SMARCA4: variants seen among roughly 807,000 people sequenced by gnomAD.
SMARCA4 encodes the protein SWI/SNF related BAF chromatin remodeling complex subunit ATPase 4.
In SMARCA4, 31 loss-of-function variants were observed where a neutral mutation model predicts 193.9. That is an observed-to-expected ratio of 0.16 (90% CI 0.12 to 0.22). The LOEUF (loss-of-function observed/expected upper bound fraction) is 0.22. SMARCA4 is among the 10% of genes least tolerant of loss of function. The probability of loss-of-function intolerance (pLI) is 1.00; values close to 1 mark genes in which losing one functional copy is unlikely to be tolerated. For synonymous variants in SMARCA4, 942 were observed against 933.1 expected, an observed-to-expected ratio of 1.01 and a Z score of -0.17; for missense variants, 1,148 against 2,296.0, an observed-to-expected ratio of 0.50 and a Z score of 10.22.
At chr19:10,994,329 T>TTTG (rs1189589511) in intron 8 of SMARCA4, among the ~76,000 whole-genome samples, 1 of 146,520 alleles carries the variant, frequency 6.8e-6, no homozygotes, top group African/African-American at 2.5e-5. Context: ...TTTTTTTTTT[T>TTTG]TTTTTTTTTT....
intron 1 of SMARCA4, among the ~76,000 whole-genome samples, chr19:10,972,836 C>T (rs1257084018): frequency 6.6e-6 from 1 of 152,204 alleles, no homozygotes; most frequent in Admixed American, 6.5e-5. Context: ...AGGGGCCGGG[C>T]ACAGTGGCTC....
In SMARCA4 at chr19:10,984,221, C is replaced by T. The variant is rs1060502057; in HGVS notation, c.70C>T (p.Pro24Ser). ...TCCTTCCCCGGGCCCTGGCCCTTCCCCTGGAGCCATGCTGGGCCCTAGCCC... is the reference window on the plus strand; with the variant it reads ...TCCTTCCCCGGGCCCTGGCCCTTCCTCTGGAGCCATGCTGGGCCCTAGCCC... ...PGPSPGPGPS[P>S]GAMLGPSPGP... Residue 24 changes from proline (P) to serine (S), a missense_variant, in exon 2 of 35, where the codon CCT (proline) becomes TCT (serine). Physicochemically the swap from Pro to Ser is moderately conservative, Grantham distance 74. Coordinates refer to ENST00000344626, the MANE Select transcript of SMARCA4 (RefSeq NM_003072.5). This position sits in a 1 kb window ranked among gnomAD's most constrained non-coding sequence, Gnocchi z 4.3. 1.2e-6 allele frequency: 2 copies of T among 1,612,800 alleles called. No homozygotes were observed. The highest frequency in any genetic ancestry group is 1.3e-5 in the African/African-American group (1 of 75,054).
rs754703561 is a variant in SMARCA4, at chr19:11,023,680, G to T, written c.2973+49G>T. On this transcript the variant is annotated intron_variant, in intron 20 of 34. Transcript: ENST00000344626. The stretch of plus-strand genomic sequence containing the variant: ...ACCAGTGAAGCAGCCTCACGTGGGG[G>T]CTTTCTCCAGGGCTGGGCGTGCTCA... 3 of 1,165,274 alleles carry T rather than the reference G, an allele frequency of 2.6e-6. No homozygotes were observed. The South Asian group carries it at 3.9e-5, about 15-fold the overall frequency. The allele number at this position is 1,165,274 out of a possible 1,614,324, so 72.2% of individuals were successfully genotyped here. A position where few individuals can be genotyped will look rare whatever the true frequency, so the allele number is the denominator to read the frequency against.
At chr19:11,060,009 A>ATT in intron 33 of SMARCA4, 36 bp from the exon 34 acceptor site, 1 of 1,600,714 alleles carries the variant, frequency 6.2e-7, no homozygotes, top group Non-Finnish European at 8.5e-7. Context: ...GCATTCCCAG[A>ATT]GCTCAAGGCT....
rs552893052 is a variant in SMARCA4 at position 11,042,860 on chromosome 19, C to T, written c.4424+1300C>T. ...AAACAATTACCTGGGCGTGGTGGCA[C>T]GCTTTTTGGGAGGCTGAGACAGGAG... On this transcript the variant is annotated intron_variant, in intron 30 of 34. Transcript: ENST00000344626. Among the ~76,000 whole-genome samples, 62 of 152,048 alleles carry T rather than the reference C, an allele frequency of 4.1e-4. 1 individual carries two copies. The highest frequency in any genetic ancestry group is 1.4e-3 in the African/African-American group (56 of 41,460).
chr19:10,986,534 C>T lies in SMARCA4; in HGVS notation c.701C>T (p.Pro234Leu), dbSNP rs572494136. The T allele has an allele frequency of 5.8e-6, 9 of 1,541,484 alleles. No individual in the cohort carries two copies. Among genetic ancestry groups the T allele is most frequent in the South Asian group, 3.6e-5 (3 of 83,966 alleles). ...TCCGCAACAGGACCCGGCCCTGGCCCTGGCCCTGGCCCCGGCCCGGGTCCC... is the reference window on the plus strand; with the variant it reads ...TCCGCAACAGGACCCGGCCCTGGCCTTGGCCCTGGCCCCGGCCCGGGTCCC... ...SVSATGPGPG[P>L]GPGPGPGPGP... is the part of the protein sequence containing the mutation. The change falls in exon 4 of 35, where the codon CCT becomes CTT. Residue 234 changes from proline (P) to leucine (L), a missense_variant. Around this residue, in one of 17 missense-constraint regions of SMARCA4, gnomAD observed 257 missense variants for 276.5 expected, o/e 0.93. Coordinates refer to ENST00000344626, the MANE Select transcript of SMARCA4 (RefSeq NM_003072.5). This position sits in a 1 kb window ranked among gnomAD's most constrained non-coding sequence, Gnocchi z 6.7.
At chr19:11,056,096 C>G (rs1183390286) in intron 30 of SMARCA4, 1 of 152,210 alleles carries the variant, frequency 6.6e-6, no homozygotes, top group East Asian at 1.9e-4. Flanking sequence ...TTATAAAATT[C>G]CGTAGAGTGG....
At position 11,024,405 on chromosome 19, in the gene SMARCA4, G is replaced by A. The variant is rs878854212; in HGVS notation, c.3048G>A (p.Val1016=). The A allele has an allele frequency of 4.3e-6, 7 of 1,612,846 alleles. No individual in the cohort carries two copies. Among genetic ancestry groups the A allele is most frequent in the Non-Finnish European group, 5.9e-6 (7 of 1,179,714 alleles). ...ACCGCCACATGCAGGCCAAGGGCGT[G>A]CTGCTGACTGATGGCTCCGAGAAGG... ...VLYRHMQAKG[V]LLTDGSEKDK... is the part of the protein sequence containing the mutation. The change falls in exon 21 of 35, where the codon GTG becomes GTA. Residue 1016 remains valine, a synonymous_variant. Transcript: ENST00000344626.
At chr19:11,048,868 T>C (rs957956918) in intron 30 of SMARCA4, among the ~76,000 whole-genome samples, 4 of 152,236 alleles carry the variant, frequency 2.6e-5, no homozygotes, top group Non-Finnish European at 4.4e-5. Flanking sequence ...GGGAATCTTA[T>C]ACTCTGTTCT....
intron 30 of SMARCA4, among the ~76,000 whole-genome samples, chr19:11,047,169 C>A (rs568083348): frequency 5.9e-4 from 89 of 152,116 alleles, no homozygotes; most frequent in African/African-American, 2.0e-3. Flanking sequence ...AGAGCCCTAG[C>A]GGTTGTTACG....
chr19:10,984,588 G>A lies in SMARCA4; in HGVS notation c.222+215G>A, dbSNP rs541343054. Among the ~76,000 whole-genome samples the A allele has an allele frequency of 5.3e-5, 8 of 152,362 alleles. No individual in the cohort carries two copies. In the South Asian group the frequency reaches 1.0e-3, roughly 20 times the overall value. On this transcript the variant is annotated intron_variant, in intron 2 of 34. Coordinates refer to ENST00000344626, the MANE Select transcript of SMARCA4 (RefSeq NM_003072.5). This position sits in a 1 kb window ranked among gnomAD's most constrained non-coding sequence, Gnocchi z 4.3. ...TGTGCTGGCGCATGATCTGGGCCCC[G>A]CGGGCACCTGCCCCACCGTTTCCCG...
intron 1 of SMARCA4, among the ~76,000 whole-genome samples, chr19:10,964,135 C>T (rs1307958924): frequency 6.6e-6 from 1 of 152,018 alleles, no homozygotes; most frequent in Admixed American, 6.6e-5. Context: ...CAGTGAGGAG[C>T]ATTCCAACAT....
chr19:11,048,566 C>G (rs1042388121), intron 30 of SMARCA4, among the ~76,000 whole-genome samples: 2 of 152,204 alleles, frequency 1.3e-5, no homozygotes, highest in African/African-American at 4.8e-5. Context: ...TGTCAGGAGC[C>G]TGCCTCGCCG....
At chr19:11,047,416 T>C (rs1027869903) in intron 30 of SMARCA4, among the ~76,000 whole-genome samples, 1 of 151,676 alleles carries the variant, frequency 6.6e-6, no homozygotes, top group Non-Finnish European at 1.5e-5. Context: ...AGAGGTTTTT[T>C]TTTTTTTTTG....
In SMARCA4 at chr19:11,033,668, G is replaced by A; in HGVS notation, c.3775-99G>A. ...TGTGGGCTGAACGGAAAGAGGATGA[G>A]TACTTGCTTTTTCTTTGAAGTGGTT... On this transcript the variant is annotated intron_variant, in intron 26 of 34. Transcript: ENST00000344626. The surrounding 1 kb of genome is among the most constrained non-coding windows in gnomAD (Gnocchi z 9.8). The A allele has an allele frequency of 2.6e-6, 2 of 776,394 alleles. No homozygotes were observed. The highest frequency in any genetic ancestry group is 2.4e-6 in the Non-Finnish European group (1 of 424,324). 48.1% of individuals were successfully genotyped at this position (776,394 alleles called of 1,614,324 possible). A position where few individuals can be genotyped will look rare whatever the true frequency, so the allele number is the denominator to read the frequency against.
At chr19:11,015,440 G>A (rs1053577450) in intron 16 of SMARCA4, among the ~76,000 whole-genome samples, 1 of 152,130 alleles carries the variant, frequency 6.6e-6, no homozygotes, top group African/African-American at 2.4e-5. Context: ...GGGTTTGTCC[G>A]ATGTGATCGC....
chr19:11,010,249 C>G, intron 14 of SMARCA4, 132 bp from the exon 15 acceptor site: 7 of 1,039,964 alleles, frequency 6.7e-6, no homozygotes, highest in South Asian at 1.3e-5. Flanking sequence ...GGCTGCACCT[C>G]TATGTGTCTT....
chr19:10,985,901 CTGTGGACAGG>C lies in SMARCA4; in HGVS notation c.356-287_356-278del, dbSNP rs2085981822. Among the ~76,000 whole-genome samples, 2 of 152,180 alleles carry C rather than the reference CTGTGGACAGG, an allele frequency of 1.3e-5. No individual in the cohort carries two copies. The highest frequency in any genetic ancestry group is 4.1e-4 in the South Asian group (2 of 4,836). On this transcript the variant is annotated intron_variant, in intron 3 of 34. Transcript: ENST00000344626. The surrounding 1 kb of genome is among the most constrained non-coding windows in gnomAD (Gnocchi z 4.5). ...GCGAGCCCGAGGATGTGGACCCCGCCTGTGGACAGGCAGGCGGAAGCCGGGAGAGAGCCGT... is the reference window on the plus strand; with the variant it reads ...GCGAGCCCGAGGATGTGGACCCCGCCCAGGCGGAAGCCGGGAGAGAGCCGT...
chr19:10,975,553 C>T (rs1405008538), intron 1 of SMARCA4, among the ~76,000 whole-genome samples: 2 of 151,734 alleles, frequency 1.3e-5, no homozygotes, highest in Non-Finnish European at 2.9e-5. Context: ...TTGTGATCCG[C>T]CCACCTTGGC....
Sources: allele counts gnomAD v4.1 joint callset (sites outside exome capture counted in the v4.1 genomes callset), GRCh38; gene constraint gnomAD v4.1.1; regional missense constraint gnomAD v4.1.1; non-coding constraint Gnocchi (gnomAD v3.1); transcripts MANE v1.5; gene names NCBI Gene and HGNC (gene_info 2026-07-23, HGNC 2026-07-21).